Variants in VWA8 observed in about 807,000 individuals in gnomAD.
VWA8 encodes the protein von Willebrand factor A domain-containing protein 8.
Under a neutral mutation model 241.5 loss-of-function variants are expected in VWA8, and 221 were observed. The ratio of observed to expected loss-of-function variants is 0.91; its 90% confidence interval spans 0.82 to 1.02. The LOEUF (loss-of-function observed/expected upper bound fraction) is 1.02, where lower values mean the gene tolerates loss of function less well. VWA8 is among the 50% of genes least tolerant of loss of function. The probability of loss-of-function intolerance (pLI) is 0.00; values close to 1 mark genes in which losing one functional copy is unlikely to be tolerated. For missense variants in VWA8, 2,322 were observed against 2,328.7 expected, an observed-to-expected ratio of 1.00 and a Z score of 0.06; for synonymous variants, 852 against 827.1, an observed-to-expected ratio of 1.03 and a Z score of -0.52.
chr13:41,776,286 A>C (rs969082366), intron 20 of VWA8, among the ~76,000 whole-genome samples: 1 of 152,210 alleles, frequency 6.6e-6, no homozygotes, highest in Non-Finnish European at 1.5e-5. Context: ...TAACTTATAA[A>C]GAGTTTGTGA....
intron 35 of VWA8, among the ~76,000 whole-genome samples, chr13:41,676,881 C>T (rs1245495587): frequency 6.6e-6 from 1 of 152,118 alleles, no homozygotes; most frequent in Admixed American, 6.5e-5. Context: ...GATCTGCCTG[C>T]CTCGGTCTCC....
At chr13:41,570,751 CTTTT>C in intron 43 of VWA8, 45 bp from the exon 44 acceptor site, 1 of 1,546,918 alleles carries the variant, frequency 6.5e-7, no homozygotes, top group South Asian at 1.1e-5. Flanking sequence ...TGAGAAACTT[CTTTT>C]TTAACAAATA....
chr13:41,647,600 C>T (rs1033353565), intron 37 of VWA8, among the ~76,000 whole-genome samples: 1 of 152,184 alleles, frequency 6.6e-6, no homozygotes, highest in African/African-American at 2.4e-5. Context: ...TATGCTGATA[C>T]ACAAAACAGC....
chr13:41,697,215 C>T (rs2045220872), intron 29 of VWA8, among the ~76,000 whole-genome samples: 1 of 148,828 alleles, frequency 6.7e-6, no homozygotes, highest in African/African-American at 2.4e-5. Context: ...GTTCTACCTT[C>T]AAAATATATC....
In VWA8 at chr13:41,900,205, G is replaced by A. The variant is rs145164512; in HGVS notation, c.483+7381C>T. On this transcript the variant is annotated intron_variant, in intron 4 of 44. Transcript: ENST00000379310. Reference sequence around the variant, plus strand: ...CAGCATGAGAGATTTAGGCTAGATAGTTGGAAGATTTTTCTATACAGGTTG... The same window carrying A: ...CAGCATGAGAGATTTAGGCTAGATAATTGGAAGATTTTTCTATACAGGTTG... 3.3e-5 allele frequency among the ~76,000 whole-genome samples: 5 copies of A among 152,348 alleles called. No individual in the cohort carries two copies. In the East Asian group the frequency reaches 9.6e-4, roughly 29 times the overall value.
In VWA8 at chr13:41,881,360, G is replaced by GT. The variant is rs1179563584; in HGVS notation, c.1080+2026dup. On this transcript the variant is annotated intron_variant, in intron 9 of 44. Transcript: ENST00000379310. The stretch of plus-strand genomic sequence containing the variant: ...TGATCACTGCTACTAGAACATCATA[G>GT]TTTTTTTTTGCCGGGGGGGGGGGGG... Among the ~76,000 whole-genome samples, 34 of 69,910 alleles carry GT rather than the reference G, an allele frequency of 4.9e-4. 4 individuals carry two copies. The highest frequency in any genetic ancestry group is 1.9e-3 in the African/African-American group (30 of 15,976). 45.9% of individuals were successfully genotyped at this position (69,910 alleles called of 152,430 possible).
At chr13:41,905,667 T>A (rs1875675200) in intron 4 of VWA8, among the ~76,000 whole-genome samples, 1 of 152,106 alleles carries the variant, frequency 6.6e-6, no homozygotes, top group South Asian at 2.1e-4. Context: ...GAACATTTTT[T>A]AGGAGTCCAA....
chr13:41,646,925 A>T (rs536430853), intron 37 of VWA8, among the ~76,000 whole-genome samples: 117 of 152,230 alleles, frequency 7.7e-4, no homozygotes, highest in Non-Finnish European at 1.5e-3. Context: ...TACTGGCCAC[A>T]GGACATTGGG....
intron 9 of VWA8, among the ~76,000 whole-genome samples, chr13:41,873,640 G>A (rs914956475): frequency 4.6e-5 from 7 of 152,178 alleles, no homozygotes; most frequent in African/African-American, 1.7e-4. Context: ...CCAGGAAGAA[G>A]TTGAATCTCT....
intron 43 of VWA8, among the ~76,000 whole-genome samples, chr13:41,573,484 A>AAAAAAAT (rs1555303579): frequency 8.5e-6 from 1 of 117,028 alleles, no homozygotes; most frequent in African/African-American, 3.7e-5. Context: ...TAAAAAAAAA[A>AAAAAAAT]AAATATATAT....
chr13:41,774,090 A>G (rs1029537780), intron 20 of VWA8, among the ~76,000 whole-genome samples: 2 of 152,148 alleles, frequency 1.3e-5, no homozygotes, highest in East Asian at 1.9e-4. Flanking sequence ...TTAAATTCAT[A>G]TTACTTCTAA....
At chr13:41,590,042 C>T (rs750052831) in intron 41 of VWA8, among the ~76,000 whole-genome samples, 6 of 151,542 alleles carry the variant, frequency 4.0e-5, no homozygotes, top group Admixed American at 6.6e-5. Flanking sequence ...CTTCAGAGGG[C>T]GAAGGGGAAG....
intron 37 of VWA8, among the ~76,000 whole-genome samples, chr13:41,650,700 T>G (rs920072768): frequency 5.3e-5 from 8 of 152,124 alleles, no homozygotes; most frequent in African/African-American, 9.7e-5. Context: ...CCAGCCTAAG[T>G]GGGACATACA....
chr13:41,608,954 C>T lies in VWA8; in HGVS notation c.4877+2622G>A, dbSNP rs114568517. ...CTTAGCAGCATTAGGCTCTCCAAGG[C>T]ACTACACAAACTTTCTGGCTCACAG... On this transcript the variant is annotated intron_variant, in intron 39 of 44. Transcript: ENST00000379310. Among the ~76,000 whole-genome samples the T allele has an allele frequency of 1.9e-3, 292 of 152,314 alleles. 1 individual carries two copies. Among genetic ancestry groups the T allele is most frequent in the African/African-American group, 6.7e-3 (279 of 41,568 alleles).
At position 41,950,399 on chromosome 13, in the gene VWA8, C is replaced by T. The variant is rs181084600; in HGVS notation, c.164-386G>A. On this transcript the variant is annotated intron_variant, in intron 1 of 44. Transcript: ENST00000379310. ...TTTTTTTGTTTTTGAGATGGAGTCT[C>T]ACTCTGTCACCTGGGCTGGAGTGCA... 1.7e-3 allele frequency among the ~76,000 whole-genome samples: 258 copies of T among 151,516 alleles called. 1 individual carries two copies. Among genetic ancestry groups the T allele is most frequent in the African/African-American group, 5.6e-3 (233 of 41,334 alleles).
intron 37 of VWA8, among the ~76,000 whole-genome samples, chr13:41,662,252 G>C (rs2044954983): frequency 6.6e-6 from 1 of 152,018 alleles, no homozygotes. Context: ...TTATTAGGTT[G>C]AGTTTTCTAA....
At chr13:41,956,667 T>TA (rs1300099485) in intron 1 of VWA8, among the ~76,000 whole-genome samples, 1 of 152,232 alleles carries the variant, frequency 6.6e-6, no homozygotes, top group Non-Finnish European at 1.5e-5. Context: ...TCCTCAAAGT[T>TA]ATTTCTATCT....
At chr13:41,610,899 A>G (rs1035251796) in intron 39 of VWA8, among the ~76,000 whole-genome samples, 1 of 152,156 alleles carries the variant, frequency 6.6e-6, no homozygotes, top group East Asian at 1.9e-4. Context: ...TCCGAGGGCC[A>G]CAGGCTCACT....
chr13:41,920,427 A>T (rs1593870245), intron 2 of VWA8, among the ~76,000 whole-genome samples: 1 of 152,198 alleles, frequency 6.6e-6, no homozygotes, highest in African/African-American at 2.4e-5. Flanking sequence ...GGGAAGAAAT[A>T]ACTAAGATCA....
Sources: allele counts gnomAD v4.1 joint callset (sites outside exome capture counted in the v4.1 genomes callset), GRCh38; gene constraint gnomAD v4.1.1; transcripts MANE v1.5; gene names NCBI Gene and HGNC (gene_info 2026-07-23, HGNC 2026-07-21).